Variants in SSH2 observed in about 807,000 individuals in gnomAD.
SSH2 encodes the protein slingshot protein phosphatase 2, also known as protein phosphatase Slingshot homolog 2.
SSH2 carries 37 observed loss-of-function variants against 135.2 expected under a neutral mutation model. That is an observed-to-expected ratio of 0.27 (90% CI 0.21 to 0.36). The LOEUF (loss-of-function observed/expected upper bound fraction) is 0.36. SSH2 is among the 10% of genes least tolerant of loss of function. SSH2 has a pLI of 1.00. For synonymous variants in SSH2, 628 were observed against 646.2 expected, an observed-to-expected ratio of 0.97 and a Z score of 0.43; for missense variants, 1,408 against 1,765.3, an observed-to-expected ratio of 0.80 and a Z score of 3.63.
At chr17:29,743,647 C>T (rs1283042128) in intron 3 of SSH2, among the ~76,000 whole-genome samples, 1 of 152,078 alleles carries the variant, frequency 6.6e-6, no homozygotes, top group Non-Finnish European at 1.5e-5. Context: ...GTGTTCTTAA[C>T]AAATGTACTC....
chr17:29,889,836 G>A (rs928354461), intron 1 of SSH2, among the ~76,000 whole-genome samples: 1 of 146,446 alleles, frequency 6.8e-6, no homozygotes, highest in Non-Finnish European at 1.5e-5. Context: ...AAACCAGCCA[G>A]GTATGAGATC....
At chr17:29,871,891 A>G (rs934938296) in intron 1 of SSH2, among the ~76,000 whole-genome samples, 1 of 152,220 alleles carries the variant, frequency 6.6e-6, no homozygotes, top group African/African-American at 2.4e-5. Context: ...ATATTTATAC[A>G]AAAATATTCC....
At chr17:29,929,854 G>T in intron 1 of SSH2, 84 bp downstream of exon 1, 2 of 1,308,676 alleles carry the variant, frequency 1.5e-6, no homozygotes, top group Non-Finnish European at 2.1e-6. Context: ...CGGCGCGTGC[G>T]CAGTGGCGTT....
chr17:29,761,128 G>C (rs1226184768), intron 3 of SSH2: 1 of 1,288,220 alleles, frequency 7.8e-7, no homozygotes, highest in Non-Finnish European at 1.0e-6. Flanking sequence ...TCGCGGAGGC[G>C]GAGGGCGCGC....
chr17:29,668,148 T>C (rs1249991630), intron 9 of SSH2, among the ~76,000 whole-genome samples: 1 of 152,232 alleles, frequency 6.6e-6, no homozygotes, highest in African/African-American at 2.4e-5. Context: ...GACTAAGCTT[T>C]CAGGCATCCT....
intron 3 of SSH2, among the ~76,000 whole-genome samples, chr17:29,750,780 C>T (rs564306717): frequency 1.3e-5 from 2 of 150,746 alleles, no homozygotes; most frequent in Admixed American, 1.3e-4. Flanking sequence ...CTTTGGGAAG[C>T]TGAGGCGGGC....
intron 11 of SSH2, among the ~76,000 whole-genome samples, chr17:29,665,113 C>T (rs72823926): frequency 2.6e-5 from 4 of 152,124 alleles, no homozygotes; most frequent in East Asian, 1.9e-4. Flanking sequence ...CCCCATAGAA[C>T]GAGTGACTCA....
At chr17:29,643,310 A>AT (rs2036240308) in intron 14 of SSH2, 2 of 984,210 alleles carry the variant, frequency 2.0e-6, no homozygotes, top group Admixed American at 6.2e-5. Context: ...TCCAACAGCC[A>AT]TTTTTCTTAC....
intron 1 of SSH2, among the ~76,000 whole-genome samples, chr17:29,886,996 G>A (rs969029010): frequency 1.3e-5 from 2 of 151,854 alleles, no homozygotes; most frequent in African/African-American, 2.4e-5. Flanking sequence ...TTTTTTTCTC[G>A]GATAAGAAAA....
At chr17:29,648,413 C>A in intron 13 of SSH2, 69 bp from the exon 14 acceptor site, 1 of 1,344,946 alleles carries the variant, frequency 7.4e-7, no homozygotes. Flanking sequence ...AAGTTGGTTT[C>A]TAGATTTTTC....
intron 3 of SSH2, among the ~76,000 whole-genome samples, chr17:29,708,966 T>C (rs2039322585): frequency 7.4e-6 from 1 of 135,396 alleles, no homozygotes; most frequent in African/African-American, 2.7e-5. Flanking sequence ...GCTTGCTCAA[T>C]AAGGGGAAAG....
chr17:29,928,185 C>A (rs956715122), intron 1 of SSH2: 1 of 195,050 alleles, frequency 5.1e-6, no homozygotes, highest in Non-Finnish European at 1.0e-5. Flanking sequence ...GGCCTAGTAA[C>A]CACAAACCAA....
At chr17:29,927,554 G>T (rs2067089635) in intron 1 of SSH2, among the ~76,000 whole-genome samples, 2 of 152,100 alleles carry the variant, frequency 1.3e-5, no homozygotes, top group African/African-American at 4.8e-5. Context: ...CTTCTTTCAT[G>T]GTCCTCTAGG....
chr17:29,766,827 T>C (rs1357946001), intron 3 of SSH2, among the ~76,000 whole-genome samples: 1 of 152,172 alleles, frequency 6.6e-6, no homozygotes, highest in Non-Finnish European at 1.5e-5. Flanking sequence ...TACAGAGTAA[T>C]GCAACATTCT....
At chr17:29,700,171 CT>C (rs1416482981) in intron 4 of SSH2, among the ~76,000 whole-genome samples, 1 of 152,156 alleles carries the variant, frequency 6.6e-6, no homozygotes, top group Non-Finnish European at 1.5e-5. Flanking sequence ...TTATCGTAGT[CT>C]TTGTTCCTTT....
At position 29,630,681 on chromosome 17, in the gene SSH2, A is replaced by G. The variant is rs1340238355; in HGVS notation, c.*160T>C. 8.3e-6 allele frequency: 5 copies of G among 599,016 alleles called. No individual in the cohort carries two copies. The highest frequency in any genetic ancestry group is 1.4e-5 in the Non-Finnish European group (5 of 354,714). 37.1% of individuals were successfully genotyped at this position (599,016 alleles called of 1,614,324 possible). ...TCTCTCTTTCCCCTTACATATACAC[A>G]CACATACACACTGAAAAACACCCAA... On this transcript the variant is annotated 3_prime_UTR_variant, in exon 16 of 16. Transcript: ENST00000540801.
intron 3 of SSH2, among the ~76,000 whole-genome samples, chr17:29,765,853 C>T (rs1302518402): frequency 6.6e-6 from 1 of 151,872 alleles, no homozygotes; most frequent in African/African-American, 2.4e-5. Flanking sequence ...AACTCCTTCT[C>T]TATTAAAAAT....
intron 15 of SSH2, among the ~76,000 whole-genome samples, chr17:29,634,442 G>A (rs1385223264): frequency 1.3e-5 from 2 of 152,210 alleles, no homozygotes; most frequent in African/African-American, 4.8e-5. Context: ...GAATTGATGC[G>A]ATATAGTGAT....
In SSH2 at chr17:29,628,043, C is replaced by T. The variant is rs1011461341; in HGVS notation, c.*2798G>A. The T allele has an allele frequency of 6.7e-6, 1 of 148,772 alleles. No individual in the cohort carries two copies. Among genetic ancestry groups the T allele is most frequent in the African/African-American group, 2.6e-5 (1 of 39,156 alleles). 9.2% of individuals were successfully genotyped at this position (148,772 alleles called of 1,614,324 possible). On this transcript the variant is annotated 3_prime_UTR_variant, in exon 16 of 16. Transcript: ENST00000540801. ...CTGCTGCTTCAGGTCAGGTCATGAA[C>T]AAAAGAAAAGGGAAAGATGCCACTG... is the stretch of plus-strand genomic sequence containing the variant.
Sources: gnomAD v4.1 joint callset for allele counts (sites outside exome capture counted in the v4.1 genomes callset) on GRCh38, gnomAD v4.1.1 for gene constraint, MANE v1.5 for transcripts, NCBI Gene and HGNC (gene_info 2026-07-23, HGNC 2026-07-21) for gene names.